Variants in SGCZ observed in about 807,000 individuals in gnomAD.
SGCZ encodes the protein sarcoglycan zeta.
Under a neutral mutation model 41.3 loss-of-function variants are expected in SGCZ, and 40 were observed. That is an observed-to-expected ratio of 0.97 (90% confidence interval 0.75 to 1.26). The LOEUF (loss-of-function observed/expected upper bound fraction) is 1.26, where lower values mean the gene tolerates loss of function less well. Ranked by LOEUF, SGCZ falls within the 50% of genes most tolerant of loss-of-function variation. The pLI is 0.00. For synonymous variants in SGCZ, 206 were observed against 137.5 expected, an observed-to-expected ratio of 1.50 and a Z score of -3.49; for missense variants, 552 against 369.8, an observed-to-expected ratio of 1.49 and a Z score of -4.04.
intron 1 of SGCZ, among the ~76,000 whole-genome samples, chr8:14,644,162 T>A (rs944067613): frequency 3.3e-5 from 5 of 151,758 alleles, no homozygotes; most frequent in African/African-American, 9.7e-5. Context: ...TGGTGCCCAG[T>A]TGTTTAGTCA....
intron 1 of SGCZ, among the ~76,000 whole-genome samples, chr8:15,220,751 T>C (rs1801568071): frequency 6.6e-6 from 1 of 152,090 alleles, no homozygotes; most frequent in Non-Finnish European, 1.5e-5. Context: ...TAGCAAAGAT[T>C]TGGAACCAAC....
chr8:14,148,909 C>G (rs1158393440), intron 5 of SGCZ, among the ~76,000 whole-genome samples: 3 of 152,030 alleles, frequency 2.0e-5, no homozygotes, highest in Non-Finnish European at 4.4e-5. Context: ...TGTGGTACAT[C>G]AAGTCAACAG....
intron 1 of SGCZ, among the ~76,000 whole-genome samples, chr8:15,090,752 G>C (rs182239311): frequency 1.4e-4 from 21 of 152,278 alleles, no homozygotes; most frequent in Non-Finnish European, 2.6e-4. Context: ...CACCTAGTTT[G>C]GGACTAATCT....
intron 1 of SGCZ, among the ~76,000 whole-genome samples, chr8:14,890,767 A>T (rs1209687379): frequency 6.6e-6 from 1 of 152,198 alleles, no homozygotes; most frequent in South Asian, 2.1e-4. Flanking sequence ...AGGAGAGTCA[A>T]TGCTTGGCCT....
At chr8:15,197,064 A>G (rs1464802107) in intron 1 of SGCZ, among the ~76,000 whole-genome samples, 1 of 152,240 alleles carries the variant, frequency 6.6e-6, no homozygotes, top group Non-Finnish European at 1.5e-5. Context: ...CATTCTTACC[A>G]GAATCTATTA....
At chr8:14,871,269 C>G (rs185123714) in intron 1 of SGCZ, among the ~76,000 whole-genome samples, 6 of 152,084 alleles carry the variant, frequency 3.9e-5, no homozygotes, top group African/African-American at 1.2e-4. Context: ...AAACAGGAAC[C>G]CTTTTACACT....
chr8:15,003,992 A>AG (rs1802514502), intron 1 of SGCZ, among the ~76,000 whole-genome samples: 1 of 152,120 alleles, frequency 6.6e-6, no homozygotes, highest in Admixed American at 6.5e-5. Context: ...CATGAGCAGG[A>AG]GGGGGGAAGC....
At chr8:14,876,861 G>A (rs1224373747) in intron 1 of SGCZ, among the ~76,000 whole-genome samples, 1 of 152,150 alleles carries the variant, frequency 6.6e-6, no homozygotes, top group Non-Finnish European at 1.5e-5. Context: ...CCACCTCTCT[G>A]TTTAGAGGTC....
At chr8:14,592,820 G>T (rs576120592) in intron 1 of SGCZ, among the ~76,000 whole-genome samples, 1 of 152,260 alleles carries the variant, frequency 6.6e-6, no homozygotes, top group South Asian at 2.1e-4. Flanking sequence ...GTGGCTCTTA[G>T]CAGTGTTCAG....
intron 1 of SGCZ, among the ~76,000 whole-genome samples, chr8:14,814,682 G>T (rs1466452930): frequency 1.3e-5 from 2 of 152,140 alleles, no homozygotes; most frequent in Non-Finnish European, 2.9e-5. Flanking sequence ...CGGCAGGTAG[G>T]AACTTGGAGA....
chr8:14,725,885 ATATGTT>A (rs1459904194), intron 1 of SGCZ, among the ~76,000 whole-genome samples: 2 of 152,218 alleles, frequency 1.3e-5, no homozygotes, highest in African/African-American at 4.8e-5. Context: ...AAAAAAGTAG[ATATGTT>A]ACAATACCTT....
chr8:14,877,489 C>G (rs1804409310), intron 1 of SGCZ, among the ~76,000 whole-genome samples: 1 of 151,974 alleles, frequency 6.6e-6, no homozygotes, highest in African/African-American at 2.4e-5. Context: ...AATTTTATTT[C>G]CAGGCAGGCA....
At chr8:14,388,691 G>C (rs544018133) in intron 2 of SGCZ, among the ~76,000 whole-genome samples, 7 of 152,058 alleles carry the variant, frequency 4.6e-5, no homozygotes, top group African/African-American at 1.4e-4. Flanking sequence ...AGAATGGGTG[G>C]CAAATCCTTG....
chr8:14,811,810 C>A (rs568027114), intron 1 of SGCZ, among the ~76,000 whole-genome samples: 25 of 152,114 alleles, frequency 1.6e-4, no homozygotes, highest in Admixed American at 1.5e-3. Flanking sequence ...TTCCAATTCC[C>A]TTTCAGATCA....
Position 14,778,791 on chromosome 8 carries a change from T to C in SGCZ, c.40-223865A>G, listed in dbSNP as rs77563516. Among the ~76,000 whole-genome samples the C allele has an allele frequency of 5.3e-3, 809 of 152,268 alleles. 2 individuals carry two copies. The highest frequency in any genetic ancestry group is 0.018 in the African/African-American group (752 of 41,554). On this transcript the variant is annotated intron_variant, in intron 1 of 7. Transcript: ENST00000382080. ...CACAGTGAGATATAATTTATGCACA[T>C]TTGATTGGGATAAAGAAAGAAGATC...
At chr8:14,106,762 G>C (rs1802216788) in intron 6 of SGCZ, among the ~76,000 whole-genome samples, 1 of 152,148 alleles carries the variant, frequency 6.6e-6, no homozygotes, top group Non-Finnish European at 1.5e-5. Flanking sequence ...TTGATACTAT[G>C]ATCCAACTTT....
chr8:14,601,764 C>T (rs1805595869), intron 1 of SGCZ, among the ~76,000 whole-genome samples: 1 of 152,158 alleles, frequency 6.6e-6, no homozygotes, highest in Admixed American at 6.6e-5. Flanking sequence ...ACTGGCATTT[C>T]TTTTTTGTTC....
chr8:14,101,542 G>A (rs1428564916), intron 7 of SGCZ, among the ~76,000 whole-genome samples: 1 of 152,120 alleles, frequency 6.6e-6, no homozygotes, highest in East Asian at 1.9e-4. Context: ...GACAGCAGGA[G>A]AAAAAATAAA....
At chr8:15,229,225 T>G (rs1037664803) in intron 1 of SGCZ, among the ~76,000 whole-genome samples, 5 of 152,112 alleles carry the variant, frequency 3.3e-5, no homozygotes, top group Non-Finnish European at 7.4e-5. Context: ...TTATAAGTTG[T>G]TCAGAAGAGA....
Sources: gnomAD v4.1 joint callset for allele counts (sites outside exome capture counted in the v4.1 genomes callset) on GRCh38, gnomAD v4.1.1 for gene constraint, MANE v1.5 for transcripts, NCBI Gene and HGNC (gene_info 2026-07-23, HGNC 2026-07-21) for gene names.